ZNF646: variants seen among roughly 807,000 people sequenced by gnomAD.
The protein encoded by ZNF646 is zinc finger protein 646.
In ZNF646, 49 loss-of-function variants were observed where a neutral mutation model predicts 115.4. The ratio of observed to expected loss-of-function variants is 0.42; its 90% confidence interval spans 0.34 to 0.54. The LOEUF (loss-of-function observed/expected upper bound fraction) is 0.54. ZNF646 is among the 20% of genes least tolerant of loss of function. The pLI is 0.04. For missense variants in ZNF646, 2,269 were observed against 2,457.9 expected, an observed-to-expected ratio of 0.92 and a Z score of 1.62; for synonymous variants, 933 against 939.0, an observed-to-expected ratio of 0.99 and a Z score of 0.12.
In ZNF646 at chr16:31,076,341, C is replaced by A. The variant is rs148476207; in HGVS notation, c.17C>A (p.Pro6His). 2 of 1,611,534 alleles carry A rather than the reference C, an allele frequency of 1.2e-6. No homozygotes were observed. The highest frequency in any genetic ancestry group is 1.7e-6 in the Non-Finnish European group (2 of 1,178,342). Residue 6 changes from proline to histidine, a missense_variant, in exon 2 of 3, where the codon CCC becomes CAC. Pro to His is a moderately conservative substitution (Grantham distance 77). Around this residue, in one of 5 missense-constraint regions of ZNF646, gnomAD observed 334 missense variants for 323.5 expected, o/e 1.03. Coordinates refer to ENST00000300850, the MANE Select transcript of ZNF646 (RefSeq NM_014699.4). ...CGTTGCCCCATGGAGGACACACCCC[C>A]CTCACTCAGCTGCTCCGACTGTCAG... MEDTPPSLSCSDCQRH... is the reference protein window; with the variant it reads MEDTPHSLSCSDCQRH...
rs1422309269 is a variant in ZNF646, at chr16:31,079,252, C to T, written c.2928C>T (p.His976=). The T allele has an allele frequency of 1.6e-5, 26 of 1,613,806 alleles. No homozygotes were observed. Among genetic ancestry groups the T allele is most frequent in the Non-Finnish European group, 2.1e-5 (25 of 1,180,016 alleles). ...ATGACCTGGGGAGCCTGGAGCGTCA[C>T]CACCAAAGTCAGAGTTCTGGGACTA... ...TYDDLGSLER[H]HQSQSSGTTA... Residue 976 remains histidine (H), a synonymous_variant, in exon 2 of 3, where the codon CAC becomes CAT. Transcript: ENST00000300850. This position sits in a 1 kb window ranked among gnomAD's most constrained non-coding sequence, Gnocchi z 5.5.
Position 31,080,192 on chromosome 16 carries a change from C to T in ZNF646, c.3868C>T (p.Arg1290Ter), listed in dbSNP as rs368825645. 4 of 1,609,140 alleles carry T rather than the reference C, an allele frequency of 2.5e-6. No individual in the cohort carries two copies. Among genetic ancestry groups the T allele is most frequent in the South Asian group, 1.1e-5 (1 of 90,908 alleles). ...HMERRGGGGT[R>*]KATREDRPFR... ...GGAACGGCGTGGGGGTGGGGGCACC[C>T]GAAAGGCGACTCGGGAAGATCGGCC... Residue 1290 changes from arginine to a stop codon, truncating the protein, a stop_gained, in exon 2 of 3, where the codon CGA (arginine) becomes TGA (stop). Transcript: ENST00000300850. LOFTEE classifies it high-confidence loss of function.
In ZNF646 at chr16:31,079,378, G is replaced by A. The variant is rs769112552; in HGVS notation, c.3054G>A (p.Glu1018=). 1 of 1,614,152 alleles carries A rather than the reference G, an allele frequency of 6.2e-7. No homozygotes were observed. The highest frequency in any genetic ancestry group is 8.5e-7 in the Non-Finnish European group (1 of 1,180,034). The change falls in exon 2 of 3, where the codon GAG becomes GAA. Residue 1018 remains glutamate, a synonymous_variant. Coordinates refer to ENST00000300850, the MANE Select transcript of ZNF646 (RefSeq NM_014699.4). This position sits in a 1 kb window ranked among gnomAD's most constrained non-coding sequence, Gnocchi z 5.5. ...LEDIVNSVSG[E]GGDAKSQEGA... is the part of the protein sequence containing the mutation. The stretch of plus-strand genomic sequence containing the variant: ...ACATAGTGAATTCTGTCTCTGGAGA[G>A]GGTGGAGATGCCAAGTCTCAAGAGG...
At position 31,077,571 on chromosome 16, in the gene ZNF646, T is replaced by TGCG; in HGVS notation, c.1247_1248insGCG (p.Leu416_Lys417insArg). The TGCG allele has an allele frequency of 6.2e-7, 1 of 1,613,150 alleles. No homozygotes were observed. On this transcript the variant is annotated inframe_insertion, in exon 2 of 3. Coordinates refer to ENST00000300850, the MANE Select transcript of ZNF646 (RefSeq NM_014699.4). ...AAGCAGCTGTTCAATGCGGCTGCCC[T>TGCG]CAAAAACCATGTGCGGGCTCATCAC...
rs773126020 is a variant in ZNF646 at position 31,077,035 on chromosome 16, G to A, written c.711G>A (p.Arg237=). 7 of 1,613,988 alleles carry A rather than the reference G, an allele frequency of 4.3e-6. No individual in the cohort carries two copies. Among genetic ancestry groups the A allele is most frequent in the Non-Finnish European group, 5.9e-6 (7 of 1,179,950 alleles). ...AGTCCCCTCCTGCTGAGGAGGAGCGGCGGTACAAATGTAGTCAGTGTGGCA... is the reference window on the plus strand; with the variant it reads ...AGTCCCCTCCTGCTGAGGAGGAGCGACGGTACAAATGTAGTCAGTGTGGCA... ...PTQSPPAEEE[R]RYKCSQCGKT... The change falls in exon 2 of 3, where the codon CGG becomes CGA. Residue 237 remains arginine (R), a synonymous_variant. Transcript: ENST00000300850.
chr16:31,077,178 C>G lies in ZNF646; in HGVS notation c.854C>G (p.Ser285Cys), dbSNP rs1190286433. 1 of 1,614,104 alleles carries G rather than the reference C, an allele frequency of 6.2e-7. No individual in the cohort carries two copies. The highest frequency in any genetic ancestry group is 1.3e-5 in the African/African-American group (1 of 74,928). The change falls in exon 2 of 3, where the codon TCT (serine) becomes TGT (cysteine). Residue 285 changes from serine (S) to cysteine (C), a missense_variant. Physicochemically the swap from Ser to Cys is moderately radical, Grantham distance 112. Transcript: ENST00000300850. ...AACCTCATGGCTCTGAAGAACCACT[C>G]TCGACTGCATGCCCAGTATCGGCCT... ...FSNLMALKNH[S>C]RLHAQYRPYH...
rs1567408461 is a variant in ZNF646 at position 31,078,662 on chromosome 16, G to A, written c.2338G>A (p.Gly780Ser). Residue 780 changes from glycine (G) to serine (S), a missense_variant, in exon 2 of 3, where the codon GGT becomes AGT. Gly to Ser is a moderately conservative substitution (Grantham distance 56). Around this residue, in one of 5 missense-constraint regions of ZNF646, gnomAD observed 852 missense variants for 900.2 expected, o/e 0.95. Coordinates refer to ENST00000300850, the MANE Select transcript of ZNF646 (RefSeq NM_014699.4). ...DNLDIPGEEG[G>S]GTHFCDSLTG... Reference sequence around the variant, plus strand: ...CTTGGACATCCCAGGTGAGGAAGGTGGTGGCACTCACTTCTGCGATAGCCT... The same window carrying A: ...CTTGGACATCCCAGGTGAGGAAGGTAGTGGCACTCACTTCTGCGATAGCCT... The A allele has an allele frequency of 6.2e-7, 1 of 1,614,202 alleles. No homozygotes were observed. The highest frequency in any genetic ancestry group is 1.3e-5 in the African/African-American group (1 of 75,070).
Position 31,077,932 on chromosome 16 carries a change from A to T in ZNF646, c.1608A>T (p.Glu536Asp). Residue 536 changes from glutamate (E) to aspartate (D), a missense_variant, in exon 2 of 3, where the codon GAA (glutamate) becomes GAT (aspartate). Around this residue, in one of 5 missense-constraint regions of ZNF646, gnomAD observed 852 missense variants for 900.2 expected, o/e 0.95. Coordinates refer to ENST00000300850, the MANE Select transcript of ZNF646 (RefSeq NM_014699.4). ...AEGAPSHLKVELPPDPVEAEA... is the reference protein window; with the variant it reads ...AEGAPSHLKVDLPPDPVEAEA... ...GTGCCCCCAGCCACCTCAAGGTAGA[A>T]CTCCCGCCTGACCCAGTGGAGGCAG... is the stretch of plus-strand genomic sequence containing the variant. 6.2e-7 allele frequency: 1 copy of T among 1,613,742 alleles called. No homozygotes were observed. Among genetic ancestry groups the T allele is most frequent in the South Asian group, 1.1e-5 (1 of 91,074 alleles).
Position 31,076,567 on chromosome 16 carries a change from C to G in ZNF646, c.243C>G (p.Gly81=). The change falls in exon 2 of 3, where the codon GGC becomes GGG. Residue 81 remains glycine, a synonymous_variant. Coordinates refer to ENST00000300850, the MANE Select transcript of ZNF646 (RefSeq NM_014699.4). ...ETGLFPCTTC[G]KDFSNPMALK... The stretch of plus-strand genomic sequence containing the variant: ...GCCTTTTCCCCTGTACCACCTGTGG[C>G]AAGGACTTCTCCAATCCCATGGCTC... 6.2e-7 allele frequency: 1 copy of G among 1,612,252 alleles called. No homozygotes were observed. The highest frequency in any genetic ancestry group is 8.5e-7 in the Non-Finnish European group (1 of 1,178,844).
At chr16:31,074,782 G>C (rs2143793152) in intron 1 of ZNF646, 151 bp downstream of exon 1, 1 of 152,344 alleles carries the variant, frequency 6.6e-6, no homozygotes, top group South Asian at 2.1e-4. Flanking sequence ...TTCATTGGTG[G>C]TTGACTAGGG....
In ZNF646 at chr16:31,079,369, C is replaced by T. The variant is rs772389352; in HGVS notation, c.3045C>T (p.Val1015=). The T allele has an allele frequency of 6.2e-7, 1 of 1,614,084 alleles. No homozygotes were observed. The highest frequency in any genetic ancestry group is 1.6e-4 in the Middle Eastern group (1 of 6,062). The change falls in exon 2 of 3, where the codon GTC becomes GTT. Residue 1015 remains valine (V), a synonymous_variant. Coordinates refer to ENST00000300850, the MANE Select transcript of ZNF646 (RefSeq NM_014699.4). The surrounding 1 kb of genome is among the most constrained non-coding windows in gnomAD (Gnocchi z 5.5). The stretch of plus-strand genomic sequence containing the variant: ...TCTTGGAGGACATAGTGAATTCTGT[C>T]TCTGGAGAGGGTGGAGATGCCAAGT... ...DSVLEDIVNS[V]SGEGGDAKSQ...
In ZNF646 at chr16:31,077,109, C is replaced by T. The variant is rs373729885; in HGVS notation, c.785C>T (p.Thr262Met). Residue 262 changes from threonine (T) to methionine (M), a missense_variant, in exon 2 of 3, where the codon ACG becomes ATG. Physicochemically the swap from Thr to Met is moderately conservative, Grantham distance 81 (BLOSUM62 -1). Around this residue, in one of 5 missense-constraint regions of ZNF646, gnomAD observed 19 missense variants for 44.9 expected, o/e 0.42. Coordinates refer to ENST00000300850, the MANE Select transcript of ZNF646 (RefSeq NM_014699.4). Reference protein sequence around the residue: ...GSLTNHRQSHTLGIYPCAICF... With the variant: ...GSLTNHRQSHMLGIYPCAICF... The stretch of plus-strand genomic sequence containing the variant: ...CTCACCAACCACCGCCAGAGCCACA[C>T]GCTGGGCATCTACCCCTGTGCCATC... The T allele has an allele frequency of 1.2e-5, 19 of 1,614,186 alleles. No individual in the cohort carries two copies. Among genetic ancestry groups the T allele is most frequent in the Non-Finnish European group, 1.4e-5 (16 of 1,180,026 alleles).
chr16:31,078,855 C>T lies in ZNF646; in HGVS notation c.2531C>T (p.Pro844Leu), dbSNP rs575237694. 76 of 1,614,064 alleles carry T rather than the reference C, an allele frequency of 4.7e-5. 2 individuals carry two copies. The South Asian group carries it at 8.0e-4, about 17-fold the overall frequency. Residue 844 changes from proline to leucine, a missense_variant, in exon 2 of 3, where the codon CCA becomes CTA. Pro to Leu is a moderately conservative substitution (Grantham distance 98, BLOSUM62 -3). Transcript: ENST00000300850. ...CTGCTGAGCCACAGGCCCTGCCACCCACCAGGCATCTATCAGTGCTCCCTC... is the reference window on the plus strand; with the variant it reads ...CTGCTGAGCCACAGGCCCTGCCACCTACCAGGCATCTATCAGTGCTCCCTC... ...TGLLSHRPCH[P>L]PGIYQCSLCP...
Position 31,079,652 on chromosome 16 carries a change from C to T in ZNF646, c.3328C>T (p.Gln1110Ter). Residue 1110 changes from glutamine to a stop codon, truncating the protein, a stop_gained, in exon 2 of 3, where the codon CAG becomes TAG. Coordinates refer to ENST00000300850, the MANE Select transcript of ZNF646 (RefSeq NM_014699.4). LOFTEE classifies it high-confidence loss of function. The surrounding 1 kb of genome is among the most constrained non-coding windows in gnomAD (Gnocchi z 5.5). ...NHPRCKGSEP[Q>*]VGPIPEAAGS... is the part of the protein sequence containing the mutation. ...CCCTCGCTGCAAAGGCTCTGAGCCC[C>T]AGGTTGGGCCCATCCCAGAGGCAGC... 2 of 1,613,436 alleles carry T rather than the reference C, an allele frequency of 1.2e-6. No individual in the cohort carries two copies. Among genetic ancestry groups the T allele is most frequent in the Non-Finnish European group, 1.7e-6 (2 of 1,179,986 alleles).
Position 31,080,255 on chromosome 16 carries a change from G to T in ZNF646, c.3931G>T (p.Ala1311Ser), listed in dbSNP as rs373261909. The T allele has an allele frequency of 3.1e-6, 5 of 1,612,218 alleles. No individual in the cohort carries two copies. Among genetic ancestry groups the T allele is most frequent in the Non-Finnish European group, 3.4e-6 (4 of 1,179,662 alleles). ...CGQCGRTYRH[A>S]GSLLNHRRSH... is the part of the protein sequence containing the mutation. ...GCAGTGCGGGCGGACCTATCGCCAC[G>T]CCGGCAGCCTCCTGAACCACCGGCG... Residue 1311 changes from alanine to serine, a missense_variant, in exon 2 of 3, where the codon GCC (alanine) becomes TCC (serine). Ala to Ser is a moderately conservative substitution (Grantham distance 99). Around this residue, in one of 5 missense-constraint regions of ZNF646, gnomAD observed 1,062 missense variants for 1,172.8 expected, o/e 0.91. Transcript: ENST00000300850.
At position 31,077,272 on chromosome 16, in the gene ZNF646, T is replaced by C. The variant is rs907919342; in HGVS notation, c.948T>C (p.His316=). The change falls in exon 2 of 3, where the codon CAT becomes CAC. Residue 316 remains histidine, a synonymous_variant. Transcript: ENST00000300850. Reference sequence around the variant, plus strand: ...AGCTGCTGGAACACCAGCAGTCCCATGAGGGTGAAAGGCAGGAGCCACGCT... The same window carrying C: ...AGCTGCTGGAACACCAGCAGTCCCACGAGGGTGAAAGGCAGGAGCCACGCT... ...PRELLEHQQS[H]EGERQEPRWE... 4.4e-5 allele frequency: 71 copies of C among 1,614,026 alleles called. No homozygotes were observed. Among genetic ancestry groups the C allele is most frequent in the Non-Finnish European group, 5.8e-5 (68 of 1,180,006 alleles).
intron 2 of ZNF646, 101 bp downstream of exon 2, chr16:31,081,802 C>A: frequency 6.9e-7 from 1 of 1,444,116 alleles, no homozygotes; most frequent in Non-Finnish European, 9.2e-7. Flanking sequence ...GGAGAGAGCC[C>A]CGGGGATTCT....
Position 31,076,609 on chromosome 16 carries a change from G to A in ZNF646, c.285G>A (p.Arg95=), listed in dbSNP as rs549945136. The A allele has an allele frequency of 9.9e-6, 16 of 1,612,992 alleles. No homozygotes were observed. Among genetic ancestry groups the A allele is most frequent in the African/African-American group, 5.3e-5 (4 of 74,910 alleles). Reference sequence around the variant, plus strand: ...CCATGGCTCTCAAGAGCCATATGAGGACACATGCTCCTGAGGGCCGCCGCA... The same window carrying A: ...CCATGGCTCTCAAGAGCCATATGAGAACACATGCTCCTGAGGGCCGCCGCA... The part of the protein sequence containing the change: ...SNPMALKSHM[R]THAPEGRRRH... Residue 95 remains arginine, a synonymous_variant, in exon 2 of 3, where the codon AGG becomes AGA. Transcript: ENST00000300850.
chr16:31,082,768 TAGA>T (rs1267343480), intron 2 of ZNF646, 200 bp from the exon 3 acceptor site: 15 of 617,910 alleles, frequency 2.4e-5, no homozygotes, highest in South Asian at 1.6e-4. Context: ...GCTTTAAGGA[TAGA>T]AGATTTCTCA....
Sources: allele counts gnomAD v4.1 joint callset, GRCh38; gene constraint gnomAD v4.1.1; regional missense constraint gnomAD v4.1.1; non-coding constraint Gnocchi (gnomAD v3.1); transcripts MANE v1.5; gene names NCBI Gene and HGNC (gene_info 2026-07-23, HGNC 2026-07-21).